HECW1: variants seen among roughly 807,000 people sequenced by gnomAD.
HECW1 encodes the protein E3 ubiquitin-protein ligase HECW1.
Under a neutral mutation model 182.3 loss-of-function variants are expected in HECW1, and 61 were observed. That is an observed-to-expected ratio of 0.33 (90% CI 0.27 to 0.41). The LOEUF (loss-of-function observed/expected upper bound fraction) is 0.41, where lower values mean the gene tolerates loss of function less well. HECW1 is among the 10% of genes least tolerant of loss of function. HECW1 has a pLI of 1.00. For synonymous variants in HECW1, 859 were observed against 832.6 expected, an observed-to-expected ratio of 1.03 and a Z score of -0.55; for missense variants, 1,739 against 2,108.9, an observed-to-expected ratio of 0.82 and a Z score of 3.44.
chr7:43,549,518 G>T (rs1293469080), intron 26 of HECW1, among the ~76,000 whole-genome samples: 1 of 152,280 alleles, frequency 6.6e-6, no homozygotes, highest in East Asian at 1.9e-4. Context: ...GATGACTGAA[G>T]ATTACCCCCT....
Position 43,416,231 on chromosome 7 carries a change from T to C in HECW1, c.801+8500T>C, listed in dbSNP as rs1284942581. ...CGGTGTGGATGTCCTTTCTGTTTGT[T>C]AGTTTTCCTTCTAACAGACAGCACC... On this transcript the variant is annotated intron_variant, in intron 8 of 29. Transcript: ENST00000395891. Among the ~76,000 whole-genome samples the C allele has an allele frequency of 2.7e-5, 4 of 150,694 alleles. No individual in the cohort carries two copies. The East Asian group carries it at 7.8e-4, about 29-fold the overall frequency.
At position 43,283,599 on chromosome 7, in the gene HECW1, T is replaced by C. The variant is rs1470728474; in HGVS notation, c.28-28164T>C. The stretch of plus-strand genomic sequence containing the variant: ...ATATAAGCCACATAAATAAAAGTTC[T>C]TTAGCATCCTCAATAATATTCAAGA... On this transcript the variant is annotated intron_variant, in intron 3 of 29. Transcript: ENST00000395891. 3.9e-5 allele frequency among the ~76,000 whole-genome samples: 6 copies of C among 152,332 alleles called. 1 individual carries two copies. Among genetic ancestry groups the C allele is most frequent in the Admixed American group, 3.9e-4 (6 of 15,300 alleles).
intron 26 of HECW1, among the ~76,000 whole-genome samples, chr7:43,542,891 G>A (rs1448898690): frequency 1.3e-5 from 2 of 152,102 alleles, no homozygotes; most frequent in African/African-American, 4.8e-5. Context: ...TTGAAAATCA[G>A]ATATGATAAT....
chr7:43,555,700 C>T (rs993330232), intron 29 of HECW1, among the ~76,000 whole-genome samples: 1 of 152,202 alleles, frequency 6.6e-6, no homozygotes, highest in Non-Finnish European at 1.5e-5. Flanking sequence ...CACCTGGTGT[C>T]GGTCAGCATT....
chr7:43,187,389 G>A (rs191504500), intron 2 of HECW1, among the ~76,000 whole-genome samples: 2 of 152,240 alleles, frequency 1.3e-5, no homozygotes, highest in Admixed American at 6.5e-5. Flanking sequence ...ATCTGTGGAC[G>A]TATTTTGAAC....
chr7:43,344,262 A>G (rs1813395324), intron 5 of HECW1, among the ~76,000 whole-genome samples: 1 of 151,722 alleles, frequency 6.6e-6, no homozygotes, highest in South Asian at 2.1e-4. Flanking sequence ...CTTTAGTTTA[A>G]TTAGATCCCA....
intron 2 of HECW1, among the ~76,000 whole-genome samples, chr7:43,149,116 A>G (rs1022926570): frequency 6.6e-6 from 1 of 152,214 alleles, no homozygotes. Context: ...TTTTAGGAGA[A>G]ATACAATATT....
chr7:43,406,547 C>T (rs773183876), intron 7 of HECW1, among the ~76,000 whole-genome samples: 5 of 152,306 alleles, frequency 3.3e-5, no homozygotes, highest in Middle Eastern at 6.8e-3. Flanking sequence ...TGTATCTTTA[C>T]CTCCATTTGT....
chr7:43,488,462 AAG>A (rs1167319081), intron 17 of HECW1, among the ~76,000 whole-genome samples: 1 of 150,314 alleles, frequency 6.7e-6, no homozygotes, highest in African/African-American at 2.5e-5. Flanking sequence ...GAAAGAAAGA[AAG>A]AAAGAAAGAA....
intron 6 of HECW1, among the ~76,000 whole-genome samples, chr7:43,374,772 T>G (rs2074254909): frequency 4.7e-5 from 1 of 21,396 alleles, no homozygotes. Context: ...AGACTCCGTC[T>G]CAAAAAAAAA....
At chr7:43,485,537 C>T (rs146858328) in intron 17 of HECW1, among the ~76,000 whole-genome samples, 2 of 152,120 alleles carry the variant, frequency 1.3e-5, no homozygotes, top group African/African-American at 4.8e-5. Context: ...GATGGTATAG[C>T]CTACCACACA....
intron 2 of HECW1, 86 bp downstream of exon 2, chr7:43,114,477 G>C: frequency 8.7e-7 from 1 of 1,148,968 alleles, no homozygotes; most frequent in South Asian, 1.4e-5. Context: ...ACCCTGGTAT[G>C]AATGTGTGTG....
At chr7:43,274,177 C>G in intron 3 of HECW1, 1 of 459,818 alleles carries the variant, frequency 2.2e-6, no homozygotes, top group Non-Finnish European at 3.8e-6. Flanking sequence ...CTCGGGTGCA[C>G]TAAAAGAGTA....
At chr7:43,225,702 AC>A (rs1797363378) in intron 2 of HECW1, among the ~76,000 whole-genome samples, 1 of 152,204 alleles carries the variant, frequency 6.6e-6, no homozygotes, top group South Asian at 2.1e-4. Context: ...ATTATTAAAA[AC>A]CATGAATAAT....
chr7:43,447,297 C>A (rs976849062), intron 11 of HECW1, among the ~76,000 whole-genome samples: 3 of 152,036 alleles, frequency 2.0e-5, no homozygotes, highest in African/African-American at 7.2e-5. Flanking sequence ...TGAAACTTGG[C>A]TCAATGTAAA....
At chr7:43,417,459 T>C (rs965740318) in intron 8 of HECW1, among the ~76,000 whole-genome samples, 5 of 152,238 alleles carry the variant, frequency 3.3e-5, no homozygotes, top group Admixed American at 1.3e-4. Flanking sequence ...AATCCTCTTA[T>C]TGTTTATTTG....
chr7:43,298,884 G>A (rs1034203529), intron 3 of HECW1, among the ~76,000 whole-genome samples: 3 of 152,144 alleles, frequency 2.0e-5, no homozygotes, highest in East Asian at 1.9e-4. Context: ...GAGCGAGACC[G>A]CACTTTAATC....
chr7:43,554,529 C>G, intron 28 of HECW1, 63 bp from the exon 29 acceptor site: 1 of 1,399,432 alleles, frequency 7.1e-7, no homozygotes, highest in Non-Finnish European at 9.9e-7. Flanking sequence ...ATCTCTCTCT[C>G]CCTCCTCACC....
rs182023760 is a variant in HECW1, at chr7:43,353,934, C to T, written c.461-6952C>T. 9.2e-5 allele frequency among the ~76,000 whole-genome samples: 14 copies of T among 152,230 alleles called. No homozygotes were observed. The East Asian group carries it at 1.4e-3, about 15-fold the overall frequency. On this transcript the variant is annotated intron_variant, in intron 5 of 29. Coordinates refer to ENST00000395891, the MANE Select transcript of HECW1 (RefSeq NM_015052.5). ...GAGTGAGTGTTCAGCAGCACCATGCCGTGGAAAGCTTGTTCCATAGATCCC... is the reference window on the plus strand; with the variant it reads ...GAGTGAGTGTTCAGCAGCACCATGCTGTGGAAAGCTTGTTCCATAGATCCC...
Sources: allele counts gnomAD v4.1 joint callset (sites outside exome capture counted in the v4.1 genomes callset), GRCh38; gene constraint gnomAD v4.1.1; transcripts MANE v1.5; gene names NCBI Gene and HGNC (gene_info 2026-07-23, HGNC 2026-07-21).